CREBRF: variants seen among roughly 807,000 people sequenced by gnomAD.
CREBRF encodes the protein UPF0474 protein C5orf41.
CREBRF carries 5 observed loss-of-function variants against 66.1 expected under a neutral mutation model. That is an observed-to-expected ratio of 0.08 (90% CI 0.04 to 0.16). The LOEUF is 0.16. Ranked by LOEUF, CREBRF falls within the 10% of genes least tolerant of loss-of-function variation. The pLI, the probability that CREBRF is intolerant of heterozygous loss-of-function variation, is 1.00. For missense variants in CREBRF, 531 were observed against 744.9 expected, an observed-to-expected ratio of 0.71 and a Z score of 3.34; for synonymous variants, 229 against 264.4, an observed-to-expected ratio of 0.87 and a Z score of 1.30.
At position 173,134,289 on chromosome 5, in the gene CREBRF, TACAC is replaced by T. The variant is rs57067753; in HGVS notation, c.*556_*559del. 0.025 allele frequency: 3,896 copies of T among 158,446 alleles called. 144 individuals are homozygous for T. The highest frequency in any genetic ancestry group is 0.071 in the African/African-American group (2,722 of 38,412). 9.8% of individuals were successfully genotyped at this position (158,446 alleles called of 1,614,324 possible). A position where few individuals can be genotyped will look rare whatever the true frequency, so the allele number is the denominator to read the frequency against. ...AAATATATATATATATATATATATA[TACAC>T]ACACACACACAAATGTCTGTGCAAG... On this transcript the variant is annotated 3_prime_UTR_variant, in exon 9 of 9. Coordinates refer to ENST00000296953, the MANE Select transcript of CREBRF (RefSeq NM_153607.3).
chr5:173,056,434 T>G lies in CREBRF; in HGVS notation c.-237T>G. ...CAGCATGGAGAGGGGCCGTGGCCCC[T>G]GCAGCGGAACCGGACCCAGTCCCTG... On this transcript the variant is annotated 5_prime_UTR_variant, in exon 1 of 9. Coordinates refer to ENST00000296953, the MANE Select transcript of CREBRF (RefSeq NM_153607.3). 2.5e-6 allele frequency: 1 copy of G among 398,392 alleles called. No homozygotes were observed. Among genetic ancestry groups the G allele is most frequent in the Non-Finnish European group, 4.4e-6 (1 of 225,928 alleles). 24.7% of individuals were successfully genotyped at this position (398,392 alleles called of 1,614,324 possible).
At position 173,123,202 on chromosome 5, in the gene CREBRF, G is replaced by C; in HGVS notation, c.1804G>C (p.Gly602Arg). The part of the protein sequence containing the change: ...KLEILIKDTL[G>R]LPVAGQTSEF... ...TGAAATCCTCATTAAAGATACTCTC[G>C]GTAAGAAGAATGCGAGATAAATTCA... Residue 602 changes from glycine (G) to arginine (R), a missense_variant and splice_region_variant, in exon 8 of 9, where the codon GGT (glycine) becomes CGT (arginine). Transcript: ENST00000296953. 1.3e-6 allele frequency: 2 copies of C among 1,594,316 alleles called. No homozygotes were observed. The highest frequency in any genetic ancestry group is 1.7e-6 in the Non-Finnish European group (2 of 1,174,650).
intron 4 of CREBRF, among the ~76,000 whole-genome samples, chr5:173,104,711 C>CAG (rs112995190): frequency 0.024 from 3,543 of 146,544 alleles, 57 homozygotes; most frequent in South Asian, 0.037. Context: ...GCAACAAATT[C>CAG]AGAGAGAGAG....
chr5:173,076,114 C>T (rs942671051), intron 1 of CREBRF, among the ~76,000 whole-genome samples: 1 of 150,260 alleles, frequency 6.7e-6, no homozygotes, highest in African/African-American at 2.4e-5. Flanking sequence ...TTATTTGGCT[C>T]ATGATTCTGA....
At chr5:173,069,939 G>A (rs1369999564) in intron 1 of CREBRF, among the ~76,000 whole-genome samples, 1 of 150,100 alleles carries the variant, frequency 6.7e-6, no homozygotes, top group African/African-American at 2.5e-5. Flanking sequence ...AATCTCTCTT[G>A]TAGTCTAGGC....
At chr5:173,072,047 CCT>C (rs1035159401) in intron 1 of CREBRF, among the ~76,000 whole-genome samples, 3 of 151,842 alleles carry the variant, frequency 2.0e-5, no homozygotes, top group African/African-American at 4.8e-5. Context: ...AGAGCAAGAC[CCT>C]GTCTCAAAAA....
At chr5:173,098,878 C>CTTTTTTTT (rs543027649) in intron 4 of CREBRF, among the ~76,000 whole-genome samples, 1 of 136,818 alleles carries the variant, frequency 7.3e-6, no homozygotes, top group Non-Finnish European at 1.6e-5. Context: ...TATTTTTTTA[C>CTTTTTTTT]TTTTTTTTTT....
chr5:173,100,718 T>TC (rs1315108416), intron 4 of CREBRF, among the ~76,000 whole-genome samples: 1 of 152,154 alleles, frequency 6.6e-6, no homozygotes, highest in Admixed American at 6.5e-5. Flanking sequence ...GCCACACCGC[T>TC]CCCCCCCAAC....
At chr5:173,100,852 T>C (rs1758613832) in intron 4 of CREBRF, among the ~76,000 whole-genome samples, 1 of 152,180 alleles carries the variant, frequency 6.6e-6, no homozygotes, top group East Asian at 1.9e-4. Flanking sequence ...CTGGGAGTCT[T>C]TTTTGTTTTC....
chr5:173,096,261 G>A (rs972075088), intron 4 of CREBRF, among the ~76,000 whole-genome samples: 11 of 152,112 alleles, frequency 7.2e-5, no homozygotes, highest in African/African-American at 2.7e-4. Flanking sequence ...GAGCCACTGC[G>A]CCCAGCCTAT....
intron 3 of CREBRF, among the ~76,000 whole-genome samples, chr5:173,088,494 A>G (rs2113731766): frequency 6.6e-6 from 1 of 150,654 alleles, no homozygotes; most frequent in South Asian, 2.1e-4. Flanking sequence ...CGTCTCAAAA[A>G]AAAAAAAAAA....
chr5:173,110,363 T>TA, intron 5 of CREBRF, 159 bp from the exon 6 acceptor site: 1 of 710,806 alleles, frequency 1.4e-6, no homozygotes, highest in Non-Finnish European at 2.6e-6. Flanking sequence ...GGCCAGCCCT[T>TA]CTAGGATAGA....
At chr5:173,128,155 A>G (rs962106954) in intron 8 of CREBRF, among the ~76,000 whole-genome samples, 6 of 152,148 alleles carry the variant, frequency 3.9e-5, no homozygotes, top group Admixed American at 1.3e-4. Context: ...AAATTCTGAC[A>G]TAAGTTCTGA....
chr5:173,110,987 A>G (rs1758856565), intron 6 of CREBRF, among the ~76,000 whole-genome samples: 1 of 152,134 alleles, frequency 6.6e-6, no homozygotes, highest in Non-Finnish European at 1.5e-5. Context: ...CTTTTTTAGT[A>G]AGTCAGAGTT....
At chr5:173,057,702 G>A (rs1253005635) in intron 1 of CREBRF, 1 of 152,122 alleles carries the variant, frequency 6.6e-6, no homozygotes, top group Non-Finnish European at 1.5e-5. Context: ...ATAAATAGCG[G>A]TCTGAATTTC....
intron 2 of CREBRF, among the ~76,000 whole-genome samples, chr5:173,083,416 C>G (rs944131595): frequency 1.3e-5 from 2 of 152,000 alleles, no homozygotes; most frequent in Non-Finnish European, 2.9e-5. Flanking sequence ...ATGCTGGGTC[C>G]CAAGTCTTTT....
chr5:173,106,732 C>CTATTT (rs70984940), intron 4 of CREBRF, among the ~76,000 whole-genome samples: 12,788 of 148,196 alleles, frequency 0.086, 1,028 homozygotes, highest in African/African-American at 0.21. Context: ...ATTCCCTCTT[C>CTATTT]TATTTTATTT....
intron 2 of CREBRF, chr5:173,085,220 G>C (rs776298798): frequency 4.8e-6 from 2 of 413,976 alleles, no homozygotes; most frequent in Non-Finnish European, 8.6e-6. Context: ...TGGGATTACA[G>C]GCTTGAGTCA....
At chr5:173,067,842 T>C (rs959834640) in intron 1 of CREBRF, among the ~76,000 whole-genome samples, 2 of 151,904 alleles carry the variant, frequency 1.3e-5, no homozygotes, top group Non-Finnish European at 2.9e-5. Context: ...CTACTAAAAA[T>C]ACAAAAAATA....
Sources: gnomAD v4.1 joint callset for allele counts (sites outside exome capture counted in the v4.1 genomes callset) on GRCh38, gnomAD v4.1.1 for gene constraint, MANE v1.5 for transcripts, NCBI Gene and HGNC (gene_info 2026-07-23, HGNC 2026-07-21) for gene names.